The following DHX36 variants were observed in gnomAD, a reference collection of about 807,000 sequenced individuals.
DHX36 encodes ATP-dependent DNA/RNA helicase DHX36.
Under a neutral mutation model 139.0 loss-of-function variants are expected in DHX36, and 50 were observed. That is an observed-to-expected ratio of 0.36 (90% CI 0.29 to 0.46). DHX36 has a LOEUF of 0.46. Ranked by LOEUF, DHX36 falls within the 20% of genes least tolerant of loss-of-function variation. The probability of loss-of-function intolerance (pLI) is 1.00; values close to 1 mark genes in which losing one functional copy is unlikely to be tolerated. For missense variants in DHX36, 1,024 were observed against 1,211.3 expected (o/e 0.85, Z 2.29); for synonymous variants, 425 against 401.9 (o/e 1.06, Z -0.69).
At position 154,302,200 on chromosome 3, in the gene DHX36, G is replaced by A. The variant is rs188754062; in HGVS notation, c.1218-1073C>T. Among the ~76,000 whole-genome samples, 4 of 152,074 alleles carry A rather than the reference G, an allele frequency of 2.6e-5. No individual in the cohort carries two copies. The East Asian group carries it at 7.7e-4, about 29-fold the overall frequency. On this transcript the variant is annotated intron_variant, in intron 9 of 24. Coordinates refer to ENST00000496811, the MANE Select transcript of DHX36 (RefSeq NM_020865.3). ...GAGAGATAGTAAGGACCTTAGCAAA[G>A]AAATAAAAATGAGAAAGCATGTTCA...
chr3:154,320,495 T>C lies in DHX36; in HGVS notation c.243+3679A>G, dbSNP rs545605195. ...ACTCCCACACTCCAACTACTACCCA[T>C]GAGCCCATTAACTGTCAAATACTTA... On this transcript the variant is annotated intron_variant, in intron 1 of 24. Coordinates refer to ENST00000496811, the MANE Select transcript of DHX36 (RefSeq NM_020865.3). 2.0e-5 allele frequency among the ~76,000 whole-genome samples: 3 copies of C among 152,232 alleles called. No individual in the cohort carries two copies. In the East Asian group the frequency reaches 5.8e-4, roughly 29 times the overall value.
rs201582480 is a variant in DHX36, at chr3:154,288,884, T to C, written c.2013A>G (p.Ile671Met). 12 of 1,577,138 alleles carry C rather than the reference T, an allele frequency of 7.6e-6. No individual in the cohort carries two copies. The East Asian group carries it at 2.8e-4, about 36-fold the overall frequency. The change falls in exon 17 of 25, where the codon ATA (isoleucine) becomes ATG (methionine). Residue 671 changes from isoleucine (I) to methionine (M), a missense_variant. This residue lies in a region of DHX36 where 470 missense variants were observed against 616.2 expected (regional missense o/e 0.76). Transcript: ENST00000496811. ...PPSNEAVLLS[I>M]RHLMELNALD... ...AATTTACCAGCTCCATCAGGTGTCT[T>C]ATGGAGAGTAACACTGCCTCATTTG... is the stretch of plus-strand genomic sequence containing the variant.
At chr3:154,311,918 A>G in intron 3 of DHX36, 1 of 386,474 alleles carries the variant, frequency 2.6e-6, no homozygotes, top group South Asian at 5.8e-5. Flanking sequence ...TGGCAGTAAA[A>G]TGAAATCGGA....
intron 5 of DHX36, among the ~76,000 whole-genome samples, chr3:154,308,879 T>C (rs1712616961): frequency 6.6e-6 from 1 of 152,048 alleles, no homozygotes; most frequent in Non-Finnish European, 1.5e-5. Flanking sequence ...TCTTACTGAG[T>C]AGCTGCATTC....
At position 154,306,143 on chromosome 3, in the gene DHX36, T is replaced by C. The variant is rs141299495; in HGVS notation, c.893+73A>G. 3.6e-5 allele frequency: 40 copies of C among 1,125,382 alleles called. No individual in the cohort carries two copies. In the African/African-American group the frequency reaches 5.9e-4, roughly 16 times the overall value. The allele number at this position is 1,125,382 out of a possible 1,614,324, so 69.7% of individuals were successfully genotyped here. A position where few individuals can be genotyped will look rare whatever the true frequency, so the allele number is the denominator to read the frequency against. ...AACCATCATAAAAATGGGGAAAATA[T>C]CCTTTCTTTTGAATCTCCAGCTTCA... On this transcript the variant is annotated intron_variant, in intron 6 of 24. Transcript: ENST00000496811.
chr3:154,304,757 T>C, intron 8 of DHX36, 49 bp downstream of exon 8: 9 of 1,382,032 alleles, frequency 6.5e-6, no homozygotes, highest in East Asian at 2.4e-5. Flanking sequence ...ATTTTTTTAA[T>C]TGTTTTTCTA....
chr3:154,280,436 C>T (rs1401562676), intron 22 of DHX36, 143 bp downstream of exon 22: 1 of 628,054 alleles, frequency 1.6e-6, no homozygotes, highest in African/African-American at 1.8e-5. Flanking sequence ...AACAGTTCAC[C>T]TTCTCTGAAA....
chr3:154,310,969 G>A (rs1373495721), intron 4 of DHX36, among the ~76,000 whole-genome samples: 1 of 149,678 alleles, frequency 6.7e-6, no homozygotes, highest in Non-Finnish European at 1.5e-5. Flanking sequence ...TAAATACTCA[G>A]AAGTGAAATG....
chr3:154,292,931 A>G (rs540344679), intron 14 of DHX36, among the ~76,000 whole-genome samples: 1 of 152,262 alleles, frequency 6.6e-6, no homozygotes, highest in South Asian at 2.1e-4. Context: ...AGGCACTGTA[A>G]GTGACAGCAC....
At chr3:154,308,055 G>A (rs1179244402) in intron 5 of DHX36, among the ~76,000 whole-genome samples, 3 of 152,156 alleles carry the variant, frequency 2.0e-5, no homozygotes, top group African/African-American at 7.2e-5. Flanking sequence ...AATGGCAAAC[G>A]ATGGAGACTC....
intron 1 of DHX36, among the ~76,000 whole-genome samples, chr3:154,320,412 G>C (rs1337428945): frequency 2.0e-5 from 3 of 151,698 alleles, no homozygotes; most frequent in Non-Finnish European, 4.4e-5. Context: ...GCACATTCAA[G>C]TCTGAGAAGC....
At chr3:154,324,022 A>C in intron 1 of DHX36, 152 bp downstream of exon 1, 1 of 924,124 alleles carries the variant, frequency 1.1e-6, no homozygotes. Context: ...TACACCCGCT[A>C]CGGGGAGCGC....
chr3:154,281,674 A>G lies in DHX36; in HGVS notation c.2377-812T>C, dbSNP rs190758040. Among the ~76,000 whole-genome samples, 803 of 152,270 alleles carry G rather than the reference A, an allele frequency of 5.3e-3. 6 individuals are homozygous for G. Among genetic ancestry groups the G allele is most frequent in the African/African-American group, 0.019 (770 of 41,576 alleles). On this transcript the variant is annotated intron_variant, in intron 20 of 24. Coordinates refer to ENST00000496811, the MANE Select transcript of DHX36 (RefSeq NM_020865.3). ...ATTCCTTTTAGAGATTATGAAACAT[A>G]AAGTTGGTTATATTTAAGTATATAT...
At position 154,276,814 on chromosome 3, in the gene DHX36, T is replaced by A; in HGVS notation, c.2774A>T (p.Gln925Leu). 1.2e-6 allele frequency: 2 copies of A among 1,613,962 alleles called. No homozygotes were observed. The highest frequency in any genetic ancestry group is 2.2e-5 in the East Asian group (1 of 44,838). ...GDISIQKDND[Q>L]ETIAVDEWIV... ...CCACTCATCTACAGCAATAGTTTCCTGATCGTTATCCTTCTGGATGGAAAT... is the reference window on the plus strand; with the variant it reads ...CCACTCATCTACAGCAATAGTTTCCAGATCGTTATCCTTCTGGATGGAAAT... Residue 925 changes from glutamine (Q) to leucine (L), a missense_variant, in exon 24 of 25, where the codon CAG (glutamine) becomes CTG (leucine). Transcript: ENST00000496811.
intron 8 of DHX36, among the ~76,000 whole-genome samples, chr3:154,303,893 C>T (rs1163218784): frequency 3.3e-5 from 5 of 152,124 alleles, no homozygotes; most frequent in Non-Finnish European, 4.4e-5. Context: ...AAAATCACTT[C>T]GGTACTGTTA....
At chr3:154,296,910 A>G (rs978351668) in intron 12 of DHX36, among the ~76,000 whole-genome samples, 7 of 152,274 alleles carry the variant, frequency 4.6e-5, no homozygotes, top group African/African-American at 1.7e-4. Context: ...CTGTGACAGT[A>G]TGAAATATTA....
At chr3:154,318,197 T>C (rs1035769655) in intron 1 of DHX36, among the ~76,000 whole-genome samples, 10 of 152,112 alleles carry the variant, frequency 6.6e-5, no homozygotes, top group African/African-American at 2.2e-4. Context: ...AAATCAGTGA[T>C]AAAACAACAA....
chr3:154,324,002 T>C (rs73872816), intron 1 of DHX36, among the ~76,000 whole-genome samples, 172 bp downstream of exon 1: 1,720 of 152,320 alleles, frequency 0.011, 31 homozygotes, highest in African/African-American at 0.04. Context: ...GCATGGCTAA[T>C]GTTACGCAGT....
chr3:154,304,748 T>C (rs1712434003), intron 8 of DHX36, 58 bp downstream of exon 8: 16 of 1,327,578 alleles, frequency 1.2e-5, no homozygotes, highest in South Asian at 1.7e-5. Context: ...ACCATATTAA[T>C]TTTTTTAATT....
Sources: allele counts gnomAD v4.1 joint callset (sites outside exome capture counted in the v4.1 genomes callset), GRCh38; gene constraint gnomAD v4.1.1; regional missense constraint gnomAD v4.1.1; transcripts MANE v1.5; gene names NCBI Gene and HGNC (gene_info 2026-07-23, HGNC 2026-07-21).